The following GFOD2 variants were observed in gnomAD, a reference collection of about 807,000 sequenced individuals.
The protein encoded by GFOD2 is Gfo/Idh/MocA-like oxidoreductase domain containing 2.
GFOD2 carries 9 observed loss-of-function variants against 24.6 expected under a neutral mutation model. The ratio of observed to expected loss-of-function variants is 0.37; its 90% CI spans 0.22 to 0.64. The LOEUF (loss-of-function observed/expected upper bound fraction) is 0.64, where lower values mean the gene tolerates loss of function less well. Ranked by LOEUF, GFOD2 falls within the 30% of genes least tolerant of loss-of-function variation. The pLI is 0.65. For missense variants in GFOD2, 476 were observed against 532.5 expected (o/e 0.89, Z 1.04); for synonymous variants, 211 against 224.8 (o/e 0.94, Z 0.55).
chr16:67,683,385 C>T (rs1023660466), intron 2 of GFOD2: 3 of 1,227,910 alleles, frequency 2.4e-6, no homozygotes, highest in Admixed American at 8.5e-5. Flanking sequence ...CTCACCTTTC[C>T]AGCCTGCATT....
chr16:67,675,874 TCATCACC>T lies in GFOD2; in HGVS notation c.432_438del (p.Val145SerfsTer12). 1 of 1,614,100 alleles carries T rather than the reference TCATCACC, an allele frequency of 6.2e-7. No individual in the cohort carries two copies. The highest frequency in any genetic ancestry group is 2.2e-5 in the East Asian group (1 of 44,874). On this transcript the variant is annotated frameshift_variant, in exon 3 of 3. Transcript: ENST00000268797. LOFTEE classifies it high-confidence loss of function. ...CCTGAGTAGATGCGGGCATCACAGATCATCACCGCTCCCACATAGTGTTCCGAAATCA... is the reference window on the plus strand; with the variant it reads ...CCTGAGTAGATGCGGGCATCACAGATGCTCCCACATAGTGTTCCGAAATCA...
chr16:67,699,234 C>T (rs1053247229), intron 1 of GFOD2, among the ~76,000 whole-genome samples: 3 of 151,978 alleles, frequency 2.0e-5, no homozygotes, highest in Admixed American at 1.3e-4. Flanking sequence ...CCCAGCTACC[C>T]AGGAGGCTGA....
chr16:67,703,699 A>T (rs1018760813), intron 1 of GFOD2, among the ~76,000 whole-genome samples: 1 of 152,216 alleles, frequency 6.6e-6, no homozygotes. Flanking sequence ...CACAGATCAG[A>T]CAGGCACTTG....
intron 1 of GFOD2, among the ~76,000 whole-genome samples, chr16:67,699,466 G>C (rs1459179807): frequency 2.6e-5 from 4 of 152,082 alleles, no homozygotes; most frequent in African/African-American, 9.7e-5. Flanking sequence ...TATTGGATAG[G>C]AGAATGTGGT....
chr16:67,714,473 CAAAAA>C (rs1265596335), intron 1 of GFOD2, among the ~76,000 whole-genome samples: 1 of 53,674 alleles, frequency 1.9e-5, no homozygotes. Flanking sequence ...AACACTGTCT[CAAAAA>C]AAAAAAAAAA....
intron 1 of GFOD2, among the ~76,000 whole-genome samples, chr16:67,690,081 G>C (rs2053299415): frequency 6.6e-6 from 1 of 152,170 alleles, no homozygotes; most frequent in Admixed American, 6.5e-5. Flanking sequence ...TCTATCAATG[G>C]ACACCTGGGT....
intron 1 of GFOD2, among the ~76,000 whole-genome samples, chr16:67,702,641 C>T (rs2053411184): frequency 7.0e-6 from 1 of 143,546 alleles, no homozygotes; most frequent in Non-Finnish European, 1.5e-5. Context: ...GCTCTGTTGC[C>T]CAGTCTGGAG....
intron 1 of GFOD2, among the ~76,000 whole-genome samples, chr16:67,701,050 A>G (rs942163044): frequency 2.6e-5 from 4 of 151,930 alleles, no homozygotes; most frequent in Non-Finnish European, 5.9e-5. Context: ...AAAAAAAAAA[A>G]AAAGAAATAC....
intron 2 of GFOD2, chr16:67,684,924 C>G: frequency 1.0e-6 from 1 of 998,142 alleles, no homozygotes; most frequent in Non-Finnish European, 1.2e-6. Flanking sequence ...AGCAGGCTGT[C>G]GACGGATCCT....
chr16:67,690,926 A>G (rs936040458), intron 1 of GFOD2, among the ~76,000 whole-genome samples: 1 of 151,402 alleles, frequency 6.6e-6, no homozygotes, highest in Non-Finnish European at 1.5e-5. Flanking sequence ...GCAGTGGCAC[A>G]ATCTCAGCTC....
chr16:67,706,112 G>C (rs970666950), intron 1 of GFOD2, among the ~76,000 whole-genome samples: 7 of 151,572 alleles, frequency 4.6e-5, no homozygotes, highest in Non-Finnish European at 4.4e-5. Flanking sequence ...GAGTAGCTGG[G>C]ATTACAGACG....
chr16:67,708,797 C>T (rs925569275), intron 1 of GFOD2, among the ~76,000 whole-genome samples: 1 of 152,160 alleles, frequency 6.6e-6, no homozygotes, highest in African/African-American at 2.4e-5. Flanking sequence ...ACTTGATGCA[C>T]ACCTCTGTCC....
At chr16:67,681,833 G>A (rs1352616779) in intron 2 of GFOD2, 16 of 985,284 alleles carry the variant, frequency 1.6e-5, no homozygotes, top group Non-Finnish European at 1.9e-5. Context: ...TGAAAGACAT[G>A]TCTACCTGAG....
intron 1 of GFOD2, among the ~76,000 whole-genome samples, chr16:67,690,353 T>G (rs1335074678): frequency 3.3e-5 from 5 of 152,276 alleles, no homozygotes; most frequent in Admixed American, 1.3e-4. Context: ...TGGTGTTTTT[T>G]GTTGGTTAGC....
At position 67,674,905 on chromosome 16, in the gene GFOD2, A is replaced by G. The variant is rs2053171125; in HGVS notation, c.*250T>C. The G allele has an allele frequency of 4.0e-6, 2 of 496,982 alleles. No homozygotes were observed. Among genetic ancestry groups the G allele is most frequent in the African/African-American group, 3.9e-5 (2 of 51,874 alleles). 30.8% of individuals were successfully genotyped at this position (496,982 alleles called of 1,614,324 possible). A position where few individuals can be genotyped will look rare whatever the true frequency, so the allele number is the denominator to read the frequency against. The stretch of plus-strand genomic sequence containing the variant: ...CCTGGTCCGACTCACTGGCATCACC[A>G]TGAGGAGGCCTGGCGGCAGCTCTGC... On this transcript the variant is annotated 3_prime_UTR_variant, in exon 3 of 3. Transcript: ENST00000268797.
chr16:67,691,265 T>C (rs947868418), intron 1 of GFOD2, among the ~76,000 whole-genome samples: 8 of 152,158 alleles, frequency 5.3e-5, no homozygotes, highest in African/African-American at 1.9e-4. Context: ...TGGAGTGCAA[T>C]GGCTTGATCA....
chr16:67,677,650 AGGAC>A (rs1418928970), intron 2 of GFOD2: 2 of 152,340 alleles, frequency 1.3e-5, no homozygotes, highest in East Asian at 3.8e-4. Context: ...GAAATGCTGA[AGGAC>A]TGAGAAGGCA....
intron 1 of GFOD2, among the ~76,000 whole-genome samples, chr16:67,697,436 C>T (rs991487214): frequency 5.3e-5 from 8 of 152,128 alleles, no homozygotes; most frequent in African/African-American, 1.9e-4. Flanking sequence ...GGTCATAATT[C>T]TGAGCTAATA....
chr16:67,707,469 T>C (rs749998571), intron 1 of GFOD2, among the ~76,000 whole-genome samples: 7 of 151,646 alleles, frequency 4.6e-5, no homozygotes, highest in South Asian at 2.1e-4. Context: ...CTTTGGAAAA[T>C]TGACAGTTTC....
Sources: allele counts gnomAD v4.1 joint callset (sites outside exome capture counted in the v4.1 genomes callset), GRCh38; gene constraint gnomAD v4.1.1; transcripts MANE v1.5; gene names NCBI Gene and HGNC (gene_info 2026-07-23, HGNC 2026-07-21).